DIAPH2: variants seen among roughly 807,000 people sequenced by gnomAD.
The protein encoded by DIAPH2 is protein diaphanous homolog 2.
In DIAPH2, 35 loss-of-function variants were observed where a neutral mutation model predicts 92.7. The observed-to-expected ratio is 0.38, with a 90% CI of 0.29 to 0.50. The LOEUF is 0.50. DIAPH2 is among the 20% of genes least tolerant of loss of function. DIAPH2 has a pLI of 0.94. For missense variants in DIAPH2, 701 were observed against 819.5 expected (o/e 0.86, Z 1.77); for synonymous variants, 301 against 280.4 (o/e 1.07, Z -0.73).
intron 5 of DIAPH2, among the ~76,000 whole-genome samples, chrX:96,882,178 G>A (rs1288016833): frequency 9.1e-6 from 1 of 109,320 alleles, no homozygotes; most frequent in Non-Finnish European, 1.9e-5. Flanking sequence ...AGCCTCCTGA[G>A]TAGCTGGGAC....
At chrX:96,860,804 G>T (rs1293620658) in intron 4 of DIAPH2, among the ~76,000 whole-genome samples, 2 of 111,069 alleles carry the variant, frequency 1.8e-5, no homozygotes, top group Admixed American at 9.6e-5. Context: ...TGATACAGTG[G>T]TTAAAAGAAA....
chrX:97,081,967 C>CA (rs1467152755), intron 19 of DIAPH2: 1 of 107,583 alleles, frequency 9.3e-6, no homozygotes, highest in Non-Finnish European at 1.9e-5. Flanking sequence ...ACTAAAAATA[C>CA]AAAAAATCAG....
chrX:97,431,218 A>G (rs1408124878), intron 26 of DIAPH2: 2 of 112,336 alleles, frequency 1.8e-5, no homozygotes, highest in African/African-American at 6.5e-5. Context: ...TAAGGAAAAT[A>G]AAAACCTTCA....
At chrX:97,239,852 CTCTCTCTT>C (rs1342613730) in intron 22 of DIAPH2, among the ~76,000 whole-genome samples, 3 of 108,781 alleles carry the variant, frequency 2.8e-5, no homozygotes, top group East Asian at 2.9e-4. Flanking sequence ...CTCTCTCTCT[CTCTCTCTT>C]TCTCTCTCTC....
rs1405024058 is a variant in DIAPH2 at position 97,604,243 on chromosome X, CTCTTA to C, written c.*4928_*4932del. The C allele has an allele frequency of 2.7e-5, 3 of 111,999 alleles. No homozygotes were observed. The East Asian group carries it at 8.4e-4, about 32-fold the overall frequency. The allele number at this position is 111,999 out of a possible 1,213,427, so 9.2% of individuals were successfully genotyped here. On this transcript the variant is annotated 3_prime_UTR_variant, in exon 27 of 27. Coordinates refer to ENST00000324765, the MANE Select transcript of DIAPH2 (RefSeq NM_006729.5). ...GTATATATAATCTACCTCTGCCTCT[CTCTTA>C]TAAGGACACTTGTGACGGGACTTAG...
At chrX:96,820,552 G>A (rs1310088238) in intron 4 of DIAPH2, among the ~76,000 whole-genome samples, 4 of 112,456 alleles carry the variant, frequency 3.6e-5, no homozygotes, top group African/African-American at 6.5e-5. Context: ...ATAAGACATA[G>A]TCTCTGAGAC....
At chrX:96,824,543 G>A (rs2064800452) in intron 4 of DIAPH2, among the ~76,000 whole-genome samples, 2 of 110,776 alleles carry the variant, frequency 1.8e-5, no homozygotes, top group South Asian at 7.6e-4. Context: ...TATTCAGAAA[G>A]AGATGATAAC....
chrX:96,890,442 C>G (rs2065299297), intron 5 of DIAPH2, among the ~76,000 whole-genome samples: 1 of 111,283 alleles, frequency 9.0e-6, no homozygotes, highest in Non-Finnish European at 1.9e-5. Context: ...TTTAACCACC[C>G]CCAGACAGAT....
intron 26 of DIAPH2, among the ~76,000 whole-genome samples, chrX:97,573,513 T>C (rs1192915890): frequency 9.0e-6 from 1 of 111,062 alleles, no homozygotes; most frequent in Non-Finnish European, 1.9e-5. Flanking sequence ...TAATATGAGA[T>C]GATTAAACTC....
chrX:96,720,528 C>A (rs949402414), intron 1 of DIAPH2, among the ~76,000 whole-genome samples: 8 of 111,581 alleles, frequency 7.2e-5, no homozygotes, highest in African/African-American at 2.6e-4. Context: ...TATTAGAATA[C>A]TTTAAATATA....
At chrX:96,836,032 C>G (rs895666623) in intron 4 of DIAPH2, among the ~76,000 whole-genome samples, 1 of 110,783 alleles carries the variant, frequency 9.0e-6, no homozygotes, top group Non-Finnish European at 1.9e-5. Context: ...CCAGGCTGTT[C>G]TCAAACTCCT....
intron 22 of DIAPH2, among the ~76,000 whole-genome samples, chrX:97,210,108 A>T (rs1383412187): frequency 9.0e-6 from 1 of 111,535 alleles, no homozygotes; most frequent in Non-Finnish European, 1.9e-5. Flanking sequence ...AATTTATGTC[A>T]AGGAAGTGTG....
At chrX:96,742,498 G>A (rs756544160) in intron 3 of DIAPH2, among the ~76,000 whole-genome samples, 18 of 111,344 alleles carry the variant, frequency 1.6e-4, no homozygotes, top group African/African-American at 3.6e-4. Flanking sequence ...AATAAAAGCC[G>A]ATGTACTTGC....
At chrX:97,250,264 A>G (rs1311001640) in intron 23 of DIAPH2, among the ~76,000 whole-genome samples, 1 of 111,775 alleles carries the variant, frequency 8.9e-6, no homozygotes, top group African/African-American at 3.3e-5. Context: ...GTATTGGAGT[A>G]GTTTCCATGG....
intron 22 of DIAPH2, among the ~76,000 whole-genome samples, chrX:97,201,744 C>T (rs1602413509): frequency 9.0e-6 from 1 of 110,795 alleles, no homozygotes; most frequent in Admixed American, 9.7e-5. Flanking sequence ...AAACACACTT[C>T]AGGATATTAT....
chrX:97,251,690 T>G (rs1313601606), intron 23 of DIAPH2, among the ~76,000 whole-genome samples: 1 of 111,819 alleles, frequency 8.9e-6, no homozygotes, highest in Non-Finnish European at 1.9e-5. Flanking sequence ...CCCAAAGTGC[T>G]GGGATTACAG....
chrX:97,457,874 T>A (rs1342669262), intron 26 of DIAPH2, among the ~76,000 whole-genome samples: 1 of 111,807 alleles, frequency 8.9e-6, no homozygotes, highest in East Asian at 2.8e-4. Context: ...CGAGCCCTTA[T>A]CAGATACCAA....
chrX:97,357,418 G>A (rs56054473), intron 24 of DIAPH2, among the ~76,000 whole-genome samples: 1 of 111,013 alleles, frequency 9.0e-6, no homozygotes. Flanking sequence ...GGACTTCCCC[G>A]GAATTGTGCC....
chrX:97,192,293 C>CAAAAAAAAAAA (rs773665704), intron 22 of DIAPH2, among the ~76,000 whole-genome samples: 1 of 32,299 alleles, frequency 3.1e-5, no homozygotes, highest in Non-Finnish European at 5.7e-5. Flanking sequence ...GACTCCGTCT[C>CAAAAAAAAAAA]AAAAAAAAAA....
Sources: gnomAD v4.1 joint callset for allele counts (sites outside exome capture counted in the v4.1 genomes callset) on GRCh38, gnomAD v4.1.1 for gene constraint, MANE v1.5 for transcripts, NCBI Gene and HGNC (gene_info 2026-07-23, HGNC 2026-07-21) for gene names.